The following NEDD4 variants were observed in gnomAD, a reference collection of about 807,000 sequenced individuals.
The protein encoded by NEDD4 is NEDD4 E3 ubiquitin protein ligase.
NEDD4 carries 99 observed loss-of-function variants against 144.9 expected under a neutral mutation model. That is an observed-to-expected ratio of 0.68 (90% CI 0.58 to 0.81). The LOEUF is 0.81. NEDD4 is among the 30% of genes least tolerant of loss of function. The probability of loss-of-function intolerance (pLI) is 0.00; values close to 1 mark genes in which losing one functional copy is unlikely to be tolerated. For missense variants in NEDD4, 985 were observed against 1,065.9 expected (o/e 0.92, Z 1.06); for synonymous variants, 318 against 350.6 (o/e 0.91, Z 1.04).
At chr15:55,850,402 A>G (rs1373760379) in intron 14 of NEDD4, 140 bp downstream of exon 14, 10 of 768,556 alleles carry the variant, frequency 1.3e-5, no homozygotes, top group Admixed American at 5.0e-5. Flanking sequence ...TACAAATAAT[A>G]TTATTAAGAA....
rs577190924 is a variant in NEDD4, at chr15:55,983,539, C to G, written c.45+9972G>C. 1.6e-4 allele frequency among the ~76,000 whole-genome samples: 24 copies of G among 152,142 alleles called. No individual in the cohort carries two copies. The South Asian group carries it at 5.0e-3, about 32-fold the overall frequency. Reference sequence around the variant, plus strand: ...CACTCTTCACCTGCTAACTCCTATTCATCCTTAGTTTCAATTTCCTTGATA... The same window carrying G: ...CACTCTTCACCTGCTAACTCCTATTGATCCTTAGTTTCAATTTCCTTGATA... On this transcript the variant is annotated intron_variant, in intron 1 of 28. Coordinates refer to ENST00000435532, the MANE Select transcript of NEDD4 (RefSeq NM_006154.4).
rs2037238248 is a variant in NEDD4 at position 55,951,520 on chromosome 15, G to C, written c.189C>G (p.Thr63=). The C allele has an allele frequency of 6.6e-7, 1 of 1,526,382 alleles. No individual in the cohort carries two copies. Among genetic ancestry groups the C allele is most frequent in the African/African-American group, 1.4e-5 (1 of 71,538 alleles). The allele number at this position is 1,526,382 out of a possible 1,614,324, so 94.6% of individuals were successfully genotyped here. The change falls in exon 3 of 29, where the codon ACC becomes ACG. Residue 63 remains threonine (T), a synonymous_variant. Coordinates refer to ENST00000435532, the MANE Select transcript of NEDD4 (RefSeq NM_006154.4). Reference sequence around the variant, plus strand: ...TATTGCTAAGTCTAACCTTTTTAATGGTTTTTGTTTGCACACTTGTAAGAA... The same window carrying C: ...TATTGCTAAGTCTAACCTTTTTAATCGTTTTTGTTTGCACACTTGTAAGAA... ...NGVLTSVQTK[T]IKKSLNPKWN...
chr15:55,844,455 T>C (rs1281726098), intron 18 of NEDD4, among the ~76,000 whole-genome samples: 2 of 152,112 alleles, frequency 1.3e-5, no homozygotes, highest in African/African-American at 4.8e-5. Context: ...GGAGCAATGG[T>C]AGTGGAAGAA....
chr15:55,877,604 C>T (rs1284333954), intron 5 of NEDD4, among the ~76,000 whole-genome samples: 1 of 152,144 alleles, frequency 6.6e-6, no homozygotes, highest in African/African-American at 2.4e-5. Context: ...CAAACTTTTT[C>T]TCACAAACTT....
intron 5 of NEDD4, chr15:55,915,147 A>T: frequency 1.5e-6 from 1 of 670,788 alleles, no homozygotes; most frequent in Non-Finnish European, 2.3e-6. Context: ...CAAATATAAA[A>T]TTTATGACTA....
chr15:55,981,343 G>A (rs1346624853), intron 1 of NEDD4, among the ~76,000 whole-genome samples: 1 of 151,166 alleles, frequency 6.6e-6, no homozygotes, highest in Non-Finnish European at 1.5e-5. Flanking sequence ...GGGATTACAG[G>A]TGTGAGCCAC....
At chr15:55,973,639 A>G (rs1227814709) in intron 1 of NEDD4, among the ~76,000 whole-genome samples, 2 of 152,170 alleles carry the variant, frequency 1.3e-5, no homozygotes, top group African/African-American at 4.8e-5. Context: ...GGAAATTAAT[A>G]CAAACAAATG....
chr15:55,931,222 C>CTG (rs1275602873), intron 4 of NEDD4, among the ~76,000 whole-genome samples: 43 of 152,274 alleles, frequency 2.8e-4, no homozygotes, highest in African/African-American at 1.0e-3. Flanking sequence ...ATTTATTCAT[C>CTG]TATCACAGTT....
At chr15:55,957,064 G>A (rs1273245517) in intron 2 of NEDD4, among the ~76,000 whole-genome samples, 1 of 152,046 alleles carries the variant, frequency 6.6e-6, no homozygotes, top group Admixed American at 6.6e-5. Context: ...TTGTAAACAC[G>A]TTTTTAAATT....
intron 13 of NEDD4, among the ~76,000 whole-genome samples, chr15:55,851,807 G>A (rs535350686): frequency 5.9e-5 from 9 of 151,952 alleles, no homozygotes; most frequent in South Asian, 4.1e-4. Context: ...GATCCCAATC[G>A]CCAAGATTAT....
intron 2 of NEDD4, among the ~76,000 whole-genome samples, chr15:55,965,789 C>T (rs1376856462): frequency 6.6e-6 from 1 of 152,170 alleles, no homozygotes; most frequent in Non-Finnish European, 1.5e-5. Flanking sequence ...GCAACCTCCG[C>T]CTCCTGGGTT....
intron 1 of NEDD4, among the ~76,000 whole-genome samples, chr15:55,981,724 T>C (rs992262109): frequency 1.3e-4 from 20 of 152,120 alleles, no homozygotes; most frequent in Admixed American, 7.2e-4. Flanking sequence ...ACATGGAAAT[T>C]TGTTACATAT....
chr15:55,837,641 A>G (rs1595727834), intron 24 of NEDD4, 148 bp downstream of exon 24: 2 of 535,386 alleles, frequency 3.7e-6, no homozygotes, highest in African/African-American at 1.9e-5. Flanking sequence ...ACTGAATGGA[A>G]TATTTAGTTA....
At chr15:55,880,336 C>A (rs1259079275) in intron 5 of NEDD4, among the ~76,000 whole-genome samples, 1 of 151,812 alleles carries the variant, frequency 6.6e-6, no homozygotes, top group African/African-American at 2.4e-5. Context: ...AGGCAAAGTG[C>A]ATGAAAGGGG....
chr15:55,861,416 T>C (rs1244892670), intron 9 of NEDD4, among the ~76,000 whole-genome samples: 3 of 152,184 alleles, frequency 2.0e-5, no homozygotes, highest in South Asian at 2.1e-4. Flanking sequence ...ATAAATCAGA[T>C]TGGACGGTTA....
intron 4 of NEDD4, among the ~76,000 whole-genome samples, chr15:55,942,910 A>G (rs912189868): frequency 3.9e-5 from 6 of 152,188 alleles, no homozygotes; most frequent in Non-Finnish European, 8.8e-5. Flanking sequence ...TAGTGATATG[A>G]ACAGGAAAGT....
At chr15:55,965,354 A>G (rs1383466548) in intron 2 of NEDD4, among the ~76,000 whole-genome samples, 1 of 151,996 alleles carries the variant, frequency 6.6e-6, no homozygotes, top group Non-Finnish European at 1.5e-5. Flanking sequence ...GGCATGCGCC[A>G]CCATGCCCAG....
intron 4 of NEDD4, among the ~76,000 whole-genome samples, chr15:55,932,233 A>T (rs1451354070): frequency 1.3e-5 from 2 of 152,232 alleles, no homozygotes; most frequent in Non-Finnish European, 2.9e-5. Flanking sequence ...CCAAAAGAAC[A>T]AAGCTGGAGG....
chr15:55,925,955 A>C (rs1303041910), intron 4 of NEDD4, among the ~76,000 whole-genome samples: 2 of 151,980 alleles, frequency 1.3e-5, no homozygotes, highest in Non-Finnish European at 2.9e-5. Context: ...ATACTGTATC[A>C]TACAGTATGT....
Sources: gnomAD v4.1 joint callset for allele counts (sites outside exome capture counted in the v4.1 genomes callset) on GRCh38, gnomAD v4.1.1 for gene constraint, MANE v1.5 for transcripts, NCBI Gene and HGNC (gene_info 2026-07-23, HGNC 2026-07-21) for gene names.